KCNK13: variants seen among roughly 807,000 people sequenced by gnomAD.
KCNK13 encodes potassium channel subfamily K member 13.
KCNK13 carries 12 observed loss-of-function variants against 23.4 expected under a neutral mutation model. That is an observed-to-expected ratio of 0.51 (90% CI 0.33 to 0.83). The LOEUF (loss-of-function observed/expected upper bound fraction) is 0.83. KCNK13 is among the 40% of genes least tolerant of loss of function. The probability of loss-of-function intolerance (pLI) is 0.02; values close to 1 mark genes in which losing one functional copy is unlikely to be tolerated. For synonymous variants in KCNK13, 231 were observed against 229.5 expected (o/e 1.01, Z -0.06); for missense variants, 463 against 556.3 (o/e 0.83, Z 1.69).
chr14:90,115,895 A>G (rs1889671410), intron 1 of KCNK13, among the ~76,000 whole-genome samples: 1 of 152,228 alleles, frequency 6.6e-6, no homozygotes, highest in African/African-American at 2.4e-5. Context: ...ATTAAGAACC[A>G]CTGCTGTAAT....
chr14:90,096,486 A>G (rs1249185411), intron 1 of KCNK13, among the ~76,000 whole-genome samples: 1 of 152,214 alleles, frequency 6.6e-6, no homozygotes. Context: ...CTCTTTGCAA[A>G]ATACAATAAA....
At chr14:90,130,179 C>CGTTTATTTATTT (rs145376316) in intron 1 of KCNK13, among the ~76,000 whole-genome samples, 1 of 142,056 alleles carries the variant, frequency 7.0e-6, no homozygotes, top group South Asian at 2.3e-4. Flanking sequence ...TGGAGAAGGA[C>CGTTTATTTATTT]ATTTATTTAT....
At chr14:90,071,051 A>G (rs1889068558) in intron 1 of KCNK13, among the ~76,000 whole-genome samples, 1 of 152,180 alleles carries the variant, frequency 6.6e-6, no homozygotes, top group African/African-American at 2.4e-5. Context: ...AGCATTTAGT[A>G]TTCATATATG....
chr14:90,104,791 CTTTTT>C (rs66511223), intron 1 of KCNK13, among the ~76,000 whole-genome samples: 3 of 113,510 alleles, frequency 2.6e-5, no homozygotes, highest in African/African-American at 3.5e-5. Flanking sequence ...CTTTTCTTTT[CTTTTT>C]TTTTTTTTTT....
At chr14:90,170,010 T>C (rs1343896814) in intron 1 of KCNK13, among the ~76,000 whole-genome samples, 2 of 152,010 alleles carry the variant, frequency 1.3e-5, no homozygotes, top group Non-Finnish European at 1.5e-5. Context: ...CTTTTTGAGA[T>C]GAAGCAGGGA....
intron 1 of KCNK13, among the ~76,000 whole-genome samples, chr14:90,149,014 G>A (rs6575105): frequency 0.065 from 9,894 of 152,214 alleles, 417 homozygotes; most frequent in South Asian, 0.21. Flanking sequence ...GTATTAGTCC[G>A]TTTTCATACT....
At position 90,184,525 on chromosome 14, in the gene KCNK13, A is replaced by G. The variant is rs748436016; in HGVS notation, c.749A>G (p.His250Arg). 1.2e-6 allele frequency: 2 copies of G among 1,614,230 alleles called. No individual in the cohort carries two copies. Among genetic ancestry groups the G allele is most frequent in the African/African-American group, 1.3e-5 (1 of 75,058 alleles). The change falls in exon 2 of 2, where the codon CAC (histidine) becomes CGC (arginine). Residue 250 changes from histidine (H) to arginine (R), a missense_variant. Physicochemically the swap from His to Arg is conservative, Grantham distance 29. Around this residue, in one of 3 missense-constraint regions of KCNK13, gnomAD observed 144 missense variants for 224.0 expected, o/e 0.64. Transcript: ENST00000282146. The surrounding 1 kb of genome is among the most constrained non-coding windows in gnomAD (Gnocchi z 5.6). ...GACCTGGTCAGCAGCCAGAACGCCC[A>G]CTATGAGAGCCAAGGCCTCTATCGC... ...FGDLVSSQNA[H>R]YESQGLYRFA...
At chr14:90,132,926 A>C (rs3850395) in intron 1 of KCNK13, among the ~76,000 whole-genome samples, 1 of 151,810 alleles carries the variant, frequency 6.6e-6, no homozygotes, top group African/African-American at 2.4e-5. Context: ...GCCTTGCCTC[A>C]CTGGTATTTG....
intron 1 of KCNK13, among the ~76,000 whole-genome samples, chr14:90,149,117 G>A (rs1890106158): frequency 6.6e-6 from 1 of 152,196 alleles, no homozygotes; most frequent in Non-Finnish European, 1.5e-5. Context: ...AGCACTTTGG[G>A]AAGCTGAGGC....
At chr14:90,064,386 T>G (rs1888983533) in intron 1 of KCNK13, among the ~76,000 whole-genome samples, 1 of 150,456 alleles carries the variant, frequency 6.6e-6, no homozygotes, top group East Asian at 1.9e-4. Flanking sequence ...TGTGGACAGG[T>G]GCATCCATGT....
At chr14:90,079,295 G>T (rs1318175423) in intron 1 of KCNK13, among the ~76,000 whole-genome samples, 1 of 152,182 alleles carries the variant, frequency 6.6e-6, no homozygotes, top group Non-Finnish European at 1.5e-5. Context: ...TCAAGGAAGT[G>T]CTCCCAGAAA....
intron 1 of KCNK13, among the ~76,000 whole-genome samples, chr14:90,178,434 G>A (rs900658298): frequency 1.8e-4 from 28 of 152,106 alleles, no homozygotes; most frequent in Non-Finnish European, 3.4e-4. Flanking sequence ...TGGGATTACA[G>A]GCATGTGCCA....
chr14:90,182,395 C>T (rs554132437), intron 1 of KCNK13, among the ~76,000 whole-genome samples: 7 of 152,156 alleles, frequency 4.6e-5, no homozygotes, highest in African/African-American at 7.2e-5. Flanking sequence ...GGGAGGCAGC[C>T]GTTGACCGAG....
chr14:90,171,115 G>A (rs1044857310), intron 1 of KCNK13, among the ~76,000 whole-genome samples: 23 of 152,102 alleles, frequency 1.5e-4, no homozygotes, highest in Non-Finnish European at 2.9e-4. Flanking sequence ...TTGCCTAATC[G>A]TGTCACCAAT....
chr14:90,073,740 G>T (rs544572811), intron 1 of KCNK13, among the ~76,000 whole-genome samples: 2 of 152,022 alleles, frequency 1.3e-5, no homozygotes, highest in African/African-American at 4.8e-5. Flanking sequence ...GCACGATCTC[G>T]GCTCACTGCA....
At chr14:90,080,664 G>A (rs968683022) in intron 1 of KCNK13, among the ~76,000 whole-genome samples, 3 of 152,130 alleles carry the variant, frequency 2.0e-5, no homozygotes, top group African/African-American at 7.2e-5. Flanking sequence ...ATAAAACTCA[G>A]TATTGTTTTT....
intron 1 of KCNK13, among the ~76,000 whole-genome samples, chr14:90,141,669 G>A (rs1027753634): frequency 1.3e-5 from 2 of 151,730 alleles, no homozygotes; most frequent in African/African-American, 4.8e-5. Context: ...TGTTGGTCAG[G>A]CTGGTCTCGA....
At chr14:90,111,465 T>G (rs1009436256) in intron 1 of KCNK13, among the ~76,000 whole-genome samples, 1 of 152,190 alleles carries the variant, frequency 6.6e-6, no homozygotes. Context: ...GGGGAATTGT[T>G]AGTTGTTACT....
chr14:90,066,081 A>T (rs1485022111), intron 1 of KCNK13, among the ~76,000 whole-genome samples: 1 of 151,166 alleles, frequency 6.6e-6, no homozygotes. Flanking sequence ...CTCCTGCCTC[A>T]GCTTCCCAAG....
Sources: gnomAD v4.1 joint callset for allele counts (sites outside exome capture counted in the v4.1 genomes callset) on GRCh38, gnomAD v4.1.1 for gene constraint, gnomAD v4.1.1 regional missense constraint, Gnocchi (gnomAD v3.1) non-coding constraint, MANE v1.5 for transcripts, NCBI Gene and HGNC (gene_info 2026-07-23, HGNC 2026-07-21) for gene names.